Variants in ACOT13 observed in about 807,000 individuals in gnomAD.
The protein encoded by ACOT13 is acyl-coenzyme A thioesterase 13.
Under a neutral mutation model 11.8 loss-of-function variants are expected in ACOT13, and 10 were observed. That is an observed-to-expected ratio of 0.85 (90% CI 0.53 to 1.44). ACOT13 has a LOEUF of 1.44. Among genes scored for constraint, ACOT13 ranks in the 40% most tolerant of loss-of-function variants. The pLI, the probability that ACOT13 is intolerant of heterozygous loss-of-function variation, is 0.00. For synonymous variants in ACOT13, 53 were observed against 61.0 expected, an observed-to-expected ratio of 0.87 and a Z score of 0.61; for missense variants, 172 against 174.1, an observed-to-expected ratio of 0.99 and a Z score of 0.07.
rs563020332 is a variant in ACOT13, at chr6:24,685,332, CTTTTTTTTTTTTT to C, written c.82-12531_82-12519del. ...ACATGGTCTCTTTCCTTTTACTGTA[CTTTTTTTTTTTTT>C]TTTTTTTTTTTTTTTTTTTGATACA... On this transcript the variant is annotated intron_variant, in intron 1 of 2. Coordinates refer to ENST00000230048, the MANE Select transcript of ACOT13 (RefSeq NM_018473.4). Among the ~76,000 whole-genome samples the C allele has an allele frequency of 7.1e-3, 828 of 116,730 alleles. 9 individuals carry two copies. Among genetic ancestry groups the C allele is most frequent in the African/African-American group, 0.022 (731 of 32,748 alleles). 76.6% of individuals were successfully genotyped at this position (116,730 alleles called of 152,430 possible).
intron 1 of ACOT13, among the ~76,000 whole-genome samples, chr6:24,689,322 A>C (rs148784385): frequency 1.3e-5 from 2 of 152,216 alleles, no homozygotes; most frequent in Non-Finnish European, 2.9e-5. Context: ...ATAGTAGGGA[A>C]TACCACACAG....
At chr6:24,697,174 T>C (rs188251561) in intron 1 of ACOT13, among the ~76,000 whole-genome samples, 21 of 152,368 alleles carry the variant, frequency 1.4e-4, no homozygotes, top group Admixed American at 4.6e-4. Flanking sequence ...TTAAAAGCAG[T>C]AACTTACTTT....
At chr6:24,700,655 C>T (rs553884982) in intron 2 of ACOT13, among the ~76,000 whole-genome samples, 3 of 152,018 alleles carry the variant, frequency 2.0e-5, no homozygotes, top group East Asian at 3.9e-4. Flanking sequence ...GGGCTGGTCT[C>T]GAACTCCTGC....
At chr6:24,677,848 C>G (rs914430640) in intron 1 of ACOT13, among the ~76,000 whole-genome samples, 9 of 152,282 alleles carry the variant, frequency 5.9e-5, no homozygotes, top group African/African-American at 2.2e-4. Context: ...GAGGATAAGC[C>G]AGTATAGGCT....
intron 1 of ACOT13, among the ~76,000 whole-genome samples, chr6:24,680,742 C>T (rs936798038): frequency 2.6e-5 from 4 of 152,166 alleles, no homozygotes; most frequent in African/African-American, 9.7e-5. Context: ...AACCCAGCTG[C>T]CCCATCAAGA....
intron 1 of ACOT13, among the ~76,000 whole-genome samples, chr6:24,669,114 G>C (rs571281998): frequency 6.6e-6 from 1 of 152,284 alleles, no homozygotes; most frequent in East Asian, 1.9e-4. Context: ...TTTGAGACAG[G>C]TATCAGTTAA....
chr6:24,702,703 T>C lies in ACOT13; in HGVS notation c.*1088T>C, dbSNP rs1778913420. 1 of 152,192 alleles carries C rather than the reference T, an allele frequency of 6.6e-6. No individual in the cohort carries two copies. The highest frequency in any genetic ancestry group is 1.5e-5 in the Non-Finnish European group (1 of 68,030). 9.4% of individuals were successfully genotyped at this position (152,192 alleles called of 1,614,324 possible). On this transcript the variant is annotated 3_prime_UTR_variant, in exon 3 of 3. Transcript: ENST00000230048. ...GAAAAATAAAATAGATTGAGCCATATGCCTAAAAAAGACCTCAAGAAAAGT... is the reference window on the plus strand; with the variant it reads ...GAAAAATAAAATAGATTGAGCCATACGCCTAAAAAAGACCTCAAGAAAAGT...
intron 1 of ACOT13, among the ~76,000 whole-genome samples, chr6:24,689,610 A>G (rs1006101229): frequency 1.3e-5 from 2 of 152,174 alleles, no homozygotes; most frequent in Admixed American, 1.3e-4. Context: ...AATTTTGTAT[A>G]CCCTGTGTAT....
At chr6:24,700,915 A>AT (rs11394883) in intron 2 of ACOT13, 49,531 of 151,076 alleles carry the variant, frequency 0.33, 8,466 homozygotes, top group Middle Eastern at 0.42. Flanking sequence ...CATCTCCCCA[A>AT]TTTTTTTTTT....
chr6:24,697,764 T>G, intron 1 of ACOT13, 119 bp from the exon 2 acceptor site: 1 of 751,298 alleles, frequency 1.3e-6, no homozygotes, highest in East Asian at 3.0e-5. Flanking sequence ...GGCAATTTAC[T>G]TGAATTTCTG....
chr6:24,701,758 T>C lies in ACOT13; in HGVS notation c.*143T>C. ...GGAGGAAAAGGACCTGGATATCAAG[T>C]AGGGTAAAGGTGGGGGTGTCTTTTT... On this transcript the variant is annotated 3_prime_UTR_variant, in exon 3 of 3. Transcript: ENST00000230048. The C allele has an allele frequency of 3.6e-6, 3 of 832,658 alleles. No homozygotes were observed. The highest frequency in any genetic ancestry group is 4.5e-5 in the South Asian group (2 of 44,322). 51.6% of individuals were successfully genotyped at this position (832,658 alleles called of 1,614,324 possible). A position where few individuals can be genotyped will look rare whatever the true frequency, so the allele number is the denominator to read the frequency against.
At chr6:24,673,233 A>T (rs1778390451) in intron 1 of ACOT13, among the ~76,000 whole-genome samples, 1 of 152,204 alleles carries the variant, frequency 6.6e-6, no homozygotes, top group Non-Finnish European at 1.5e-5. Flanking sequence ...ACAGAACATG[A>T]TGTTGGAAGA....
chr6:24,688,989 G>A (rs1778680413), intron 1 of ACOT13, among the ~76,000 whole-genome samples: 1 of 152,158 alleles, frequency 6.6e-6, no homozygotes, highest in Non-Finnish European at 1.5e-5. Context: ...ATGCTTAAAA[G>A]CACTGTGAGT....
At chr6:24,687,329 A>C in intron 1 of ACOT13, 2 of 671,656 alleles carry the variant, frequency 3.0e-6, no homozygotes, top group Non-Finnish European at 3.8e-6. Context: ...AAAACTTTTG[A>C]GTAGTTCTGC....
intron 1 of ACOT13, among the ~76,000 whole-genome samples, chr6:24,668,935 T>G (rs1778311132): frequency 1.3e-5 from 2 of 152,174 alleles, no homozygotes; most frequent in Non-Finnish European, 2.9e-5. Context: ...CTCTGGTTCT[T>G]TTGTTACTTG....
At chr6:24,673,343 T>A (rs9358790) in intron 1 of ACOT13, among the ~76,000 whole-genome samples, 59,480 of 151,370 alleles carry the variant, frequency 0.39, 12,684 homozygotes, top group Non-Finnish European at 0.5. Flanking sequence ...CTTTCAGTTT[T>A]AAAAAAAAAT....
intron 1 of ACOT13, among the ~76,000 whole-genome samples, chr6:24,674,009 C>G (rs2127621762): frequency 6.6e-6 from 1 of 152,200 alleles, no homozygotes; most frequent in African/African-American, 2.4e-5. Context: ...TTCCTGATTC[C>G]TTTACCTTGT....
chr6:24,671,290 G>C (rs1029170033), intron 1 of ACOT13, among the ~76,000 whole-genome samples: 1 of 152,074 alleles, frequency 6.6e-6, no homozygotes, highest in Non-Finnish European at 1.5e-5. Context: ...CCATAAAAAA[G>C]GATGAGTTCA....
rs1778959164 is a variant in ACOT13 at position 24,704,516 on chromosome 6, T to A, written c.*2901T>A. 1 of 152,236 alleles carries A rather than the reference T, an allele frequency of 6.6e-6. No homozygotes were observed. 9.4% of individuals were successfully genotyped at this position (152,236 alleles called of 1,614,324 possible). ...CAAGTTACTTAACCTCTGCATCTAT[T>A]TCCACCAAAGGTTGAGAGGTTAAGA... is the stretch of plus-strand genomic sequence containing the variant. On this transcript the variant is annotated 3_prime_UTR_variant, in exon 3 of 3. Coordinates refer to ENST00000230048, the MANE Select transcript of ACOT13 (RefSeq NM_018473.4).
Sources: gnomAD v4.1 joint callset for allele counts (sites outside exome capture counted in the v4.1 genomes callset) on GRCh38, gnomAD v4.1.1 for gene constraint, MANE v1.5 for transcripts, NCBI Gene and HGNC (gene_info 2026-07-23, HGNC 2026-07-21) for gene names.